RPH3A: variants seen among roughly 807,000 people sequenced by gnomAD.
RPH3A encodes rabphilin-3A.
A neutral mutation model predicts 102.2 loss-of-function variants in RPH3A; 48 were observed. That is an observed-to-expected ratio of 0.47 (90% CI 0.37 to 0.60). RPH3A has a LOEUF of 0.60. Among genes scored for constraint, RPH3A ranks in the 20% least tolerant of loss-of-function variants. The pLI is 0.00. For synonymous variants in RPH3A, 310 were observed against 324.3 expected, an observed-to-expected ratio of 0.96 and a Z score of 0.47; for missense variants, 781 against 910.1, an observed-to-expected ratio of 0.86 and a Z score of 1.83.
intron 1 of RPH3A, among the ~76,000 whole-genome samples, chr12:112,580,774 A>G (rs780709825): frequency 7.2e-5 from 11 of 152,162 alleles, no homozygotes; most frequent in Non-Finnish European, 1.5e-4. Flanking sequence ...TTTGCACTTT[A>G]ATGTAGTTTA....
intron 2 of RPH3A, among the ~76,000 whole-genome samples, chr12:112,827,898 A>T (rs1208819567): frequency 1.1e-4 from 9 of 82,498 alleles, no homozygotes; most frequent in South Asian, 3.5e-4. Flanking sequence ...AAGTATAATA[A>T]AAAAAAAAGG....
intron 3 of RPH3A, among the ~76,000 whole-genome samples, chr12:112,830,352 TTTG>T (rs2041948307): frequency 6.6e-6 from 1 of 152,164 alleles, no homozygotes; most frequent in South Asian, 2.1e-4. Flanking sequence ...TATTACTTTT[TTTG>T]TTATTAATCT....
At chr12:112,675,664 C>T (rs1278583922) in intron 1 of RPH3A, among the ~76,000 whole-genome samples, 7 of 152,096 alleles carry the variant, frequency 4.6e-5, no homozygotes, top group East Asian at 1.9e-4. Flanking sequence ...TTTGAGGGAT[C>T]CTTGACCCCT....
intron 1 of RPH3A, among the ~76,000 whole-genome samples, chr12:112,772,305 G>A (rs1377806182): frequency 2.0e-5 from 3 of 152,118 alleles, no homozygotes; most frequent in Non-Finnish European, 4.4e-5. Flanking sequence ...TTTACAAAGG[G>A]GGCACTATTT....
At chr12:112,713,026 T>C (rs867370406) in intron 1 of RPH3A, among the ~76,000 whole-genome samples, 3 of 69,118 alleles carry the variant, frequency 4.3e-5, no homozygotes, top group African/African-American at 1.6e-4. Flanking sequence ...CCTCTTCCTC[T>C]TCTTCTTCTT....
At chr12:112,806,766 G>T (rs1438869523) in intron 2 of RPH3A, among the ~76,000 whole-genome samples, 1 of 152,122 alleles carries the variant, frequency 6.6e-6, no homozygotes, top group African/African-American at 2.4e-5. Flanking sequence ...GGATGTAGTA[G>T]AAAACAATTT....
intron 5 of RPH3A, among the ~76,000 whole-genome samples, chr12:112,853,526 G>C (rs942789912): frequency 8.5e-5 from 13 of 152,130 alleles, no homozygotes; most frequent in African/African-American, 2.9e-4. Context: ...TATAGAATCT[G>C]TTTGTATAAG....
chr12:112,864,523 A>G (rs2042575671), intron 5 of RPH3A, among the ~76,000 whole-genome samples: 1 of 151,734 alleles, frequency 6.6e-6, no homozygotes, highest in Non-Finnish European at 1.5e-5. Flanking sequence ...ACAGAGAGAG[A>G]CAGAGAGATC....
chr12:112,879,916 C>G (rs2136243707), intron 14 of RPH3A, among the ~76,000 whole-genome samples: 1 of 152,316 alleles, frequency 6.6e-6, no homozygotes, highest in Non-Finnish European at 1.5e-5. Flanking sequence ...CCCTCTGTGT[C>G]TCAGTGTGCC....
chr12:112,733,926 G>A (rs892014641), intron 1 of RPH3A, among the ~76,000 whole-genome samples: 1 of 152,156 alleles, frequency 6.6e-6, no homozygotes, highest in Non-Finnish European at 1.5e-5. Context: ...GGTAACAATA[G>A]TATTATTACT....
At chr12:112,860,872 T>A (rs1370515433) in intron 5 of RPH3A, among the ~76,000 whole-genome samples, 1 of 152,114 alleles carries the variant, frequency 6.6e-6, no homozygotes, top group Non-Finnish European at 1.5e-5. Context: ...ATAAGAAAAA[T>A]GTCCCCATGC....
At chr12:112,892,269 T>C (rs1280632201) in intron 19 of RPH3A, among the ~76,000 whole-genome samples, 3 of 152,134 alleles carry the variant, frequency 2.0e-5, no homozygotes, top group East Asian at 3.9e-4. Flanking sequence ...ACTGTAATAC[T>C]GTATATTAGT....
At chr12:112,665,494 C>T (rs2040078069) in intron 1 of RPH3A, among the ~76,000 whole-genome samples, 1 of 152,126 alleles carries the variant, frequency 6.6e-6, no homozygotes, top group Admixed American at 6.5e-5. Context: ...CCTCAGTTTC[C>T]TCATCTGTAA....
chr12:112,751,805 C>A (rs552101879), intron 1 of RPH3A, among the ~76,000 whole-genome samples: 5 of 152,154 alleles, frequency 3.3e-5, no homozygotes, highest in Non-Finnish European at 7.4e-5. Context: ...TTTGTTTGTA[C>A]CACTCTTTAA....
intron 1 of RPH3A, among the ~76,000 whole-genome samples, chr12:112,709,549 CAA>C (rs369557001): frequency 2.5e-4 from 32 of 128,242 alleles, no homozygotes; most frequent in Non-Finnish European, 2.9e-4. Context: ...AACCCTGTCT[CAA>C]AAAAAAAAAA....
intron 1 of RPH3A, among the ~76,000 whole-genome samples, chr12:112,668,286 C>T (rs1415410439): frequency 6.6e-6 from 1 of 152,140 alleles, no homozygotes; most frequent in African/African-American, 2.4e-5. Context: ...TAAGATTGTT[C>T]ATCTTGAACA....
chr12:112,864,448 CAAAAAAAAAA>C (rs11324677), intron 5 of RPH3A, among the ~76,000 whole-genome samples: 1 of 101,994 alleles, frequency 9.8e-6, no homozygotes, highest in African/African-American at 4.1e-5. Context: ...AAGACTCTGT[CAAAAAAAAAA>C]AAAAAAAAAA....
At chr12:112,730,266 C>G (rs560604824) in intron 1 of RPH3A, among the ~76,000 whole-genome samples, 22 of 152,332 alleles carry the variant, frequency 1.4e-4, no homozygotes, top group Non-Finnish European at 2.9e-4. Flanking sequence ...CCTGAGCAGA[C>G]CAATGCACTG....
chr12:112,841,890 CCTT>C (rs2042153817), intron 4 of RPH3A: 10 of 455,548 alleles, frequency 2.2e-5, no homozygotes, highest in South Asian at 1.6e-4. Flanking sequence ...GTCTCTCTCT[CCTT>C]CTCTCTCTCT....
Sources: allele counts gnomAD v4.1 joint callset (sites outside exome capture counted in the v4.1 genomes callset), GRCh38; gene constraint gnomAD v4.1.1; transcripts MANE v1.5; gene names NCBI Gene and HGNC (gene_info 2026-07-23, HGNC 2026-07-21).